CD80: variants seen among roughly 807,000 people sequenced by gnomAD.
CD80 encodes CD80 molecule, also known as T-lymphocyte activation antigen CD80.
A neutral mutation model predicts 27.1 loss-of-function variants in CD80; 13 were observed. The ratio of observed to expected loss-of-function variants is 0.48; its 90% confidence interval spans 0.31 to 0.76. The LOEUF is 0.76. Among genes scored for constraint, CD80 ranks in the 30% least tolerant of loss-of-function variants. The probability of loss-of-function intolerance (pLI) is 0.04; values close to 1 mark genes in which losing one functional copy is unlikely to be tolerated. For synonymous variants in CD80, 125 were observed against 125.5 expected (o/e 1.00, Z 0.03); for missense variants, 277 against 347.9 (o/e 0.80, Z 1.62).
chr3:119,556,989 TA>T (rs1347904418), intron 2 of CD80, among the ~76,000 whole-genome samples: 32 of 152,214 alleles, frequency 2.1e-4, no homozygotes, highest in African/African-American at 7.5e-4. Flanking sequence ...GACATATATG[TA>T]ATACCTATGT....
At chr3:119,538,627 C>T (rs2082151528) in intron 3 of CD80, among the ~76,000 whole-genome samples, 1 of 152,134 alleles carries the variant, frequency 6.6e-6, no homozygotes, top group Non-Finnish European at 1.5e-5. Context: ...CTGGCCTTAT[C>T]CTTTGAACAT....
intron 3 of CD80, among the ~76,000 whole-genome samples, chr3:119,543,551 G>A (rs1231864002): frequency 2.6e-5 from 4 of 151,648 alleles, no homozygotes; most frequent in African/African-American, 9.7e-5. Flanking sequence ...CCGCCTCCCA[G>A]GTTCAAGTGA....
intron 3 of CD80, 103 bp from the exon 4 acceptor site, chr3:119,537,521 G>T (rs1362228531): frequency 2.4e-6 from 2 of 822,944 alleles, no homozygotes; most frequent in African/African-American, 1.7e-5. Flanking sequence ...ATTGATAAAG[G>T]CCAGGTGCAG....
At chr3:119,546,236 GTCCTGACTAAGGT>G (rs2082202219) in intron 2 of CD80, among the ~76,000 whole-genome samples, 1 of 152,156 alleles carries the variant, frequency 6.6e-6, no homozygotes, top group African/African-American at 2.4e-5. Context: ...AGAGAAGTCA[GTCCTGACTAAGGT>G]TCTGGGTACA....
At chr3:119,543,651 G>T (rs1553783022) in intron 3 of CD80, among the ~76,000 whole-genome samples, 1 of 151,866 alleles carries the variant, frequency 6.6e-6, no homozygotes. Context: ...TGTTGGGCAG[G>T]CTGGTCTCAA....
In CD80 at chr3:119,525,142, A is replaced by C. The variant is rs1181439275; in HGVS notation, c.*646T>G. On this transcript the variant is annotated 3_prime_UTR_variant, in exon 7 of 7. Transcript: ENST00000264246. ...ATAGTTCTCCTTTCTGCTGTACCTC[A>C]TGGGGGAGTGAGAGAGCAGCAATAG... 1.3e-5 allele frequency: 2 copies of C among 152,166 alleles called. No homozygotes were observed. The highest frequency in any genetic ancestry group is 2.9e-5 in the Non-Finnish European group (2 of 68,032). 9.4% of individuals were successfully genotyped at this position (152,166 alleles called of 1,614,324 possible). A position where few individuals can be genotyped will look rare whatever the true frequency, so the allele number is the denominator to read the frequency against.
chr3:119,546,667 G>T (rs1045939442), intron 2 of CD80, among the ~76,000 whole-genome samples: 4 of 152,110 alleles, frequency 2.6e-5, no homozygotes, highest in African/African-American at 9.7e-5. Flanking sequence ...TGGATCTGTT[G>T]CCTGGTCACT....
intron 5 of CD80, among the ~76,000 whole-genome samples, chr3:119,529,396 C>G (rs1371636203): frequency 6.6e-6 from 1 of 152,142 alleles, no homozygotes; most frequent in African/African-American, 2.4e-5. Context: ...ATTAGAATAT[C>G]AGCAGGATGG....
chr3:119,540,385 A>G (rs1381671229), intron 3 of CD80, among the ~76,000 whole-genome samples: 1 of 152,238 alleles, frequency 6.6e-6, no homozygotes, highest in Admixed American at 6.5e-5. Flanking sequence ...GGAAGCCATG[A>G]CAAATGATGA....
chr3:119,526,838 C>T (rs1201622421), intron 6 of CD80, among the ~76,000 whole-genome samples: 1 of 152,140 alleles, frequency 6.6e-6, no homozygotes, highest in East Asian at 1.9e-4. Flanking sequence ...AATTCCTATA[C>T]TGGTGTTACT....
chr3:119,555,739 T>A (rs2670289), intron 2 of CD80, among the ~76,000 whole-genome samples: 1 of 152,158 alleles, frequency 6.6e-6, no homozygotes, highest in Non-Finnish European at 1.5e-5. Context: ...ACTTTTCCTC[T>A]TTCCAATGAT....
chr3:119,549,565 T>A (rs1560058019), intron 2 of CD80, among the ~76,000 whole-genome samples: 1 of 152,130 alleles, frequency 6.6e-6, no homozygotes, highest in Non-Finnish European at 1.5e-5. Context: ...TTCCAAGCCC[T>A]CTCTTTTCTT....
intron 2 of CD80, among the ~76,000 whole-genome samples, chr3:119,553,103 CTTTATTTA>C (rs61318964): frequency 0.27 from 36,446 of 133,736 alleles, 5,089 homozygotes; most frequent in Non-Finnish European, 0.3. Context: ...GAATTGTACA[CTTTATTTA>C]TTTATTTATT....
At chr3:119,557,457 G>A (rs1028601578) in intron 2 of CD80, among the ~76,000 whole-genome samples, 172 bp downstream of exon 2, 1 of 152,152 alleles carries the variant, frequency 6.6e-6, no homozygotes, top group Non-Finnish European at 1.5e-5. Context: ...ATGATAGGCA[G>A]GTCCTTTAAC....
chr3:119,542,052 G>A (rs964712045), intron 3 of CD80, among the ~76,000 whole-genome samples: 1 of 144,168 alleles, frequency 6.9e-6, no homozygotes, highest in Non-Finnish European at 1.5e-5. Flanking sequence ...TATATTTGTG[G>A]TGCCACCCCC....
At chr3:119,545,218 G>A (rs1371746110) in intron 2 of CD80, among the ~76,000 whole-genome samples, 1 of 151,976 alleles carries the variant, frequency 6.6e-6, no homozygotes, top group Non-Finnish European at 1.5e-5. Flanking sequence ...GGTGGCGGGT[G>A]TAGTAATCCC....
intron 3 of CD80, 146 bp from the exon 4 acceptor site, chr3:119,537,564 G>C (rs2082146138): frequency 3.3e-6 from 2 of 610,998 alleles, no homozygotes; most frequent in South Asian, 4.4e-5. Context: ...CACTTTGGGA[G>C]GCCGAGGCAG....
chr3:119,547,322 T>G (rs2082207054), intron 2 of CD80, among the ~76,000 whole-genome samples: 1 of 152,242 alleles, frequency 6.6e-6, no homozygotes, highest in South Asian at 2.1e-4. Flanking sequence ...ACACCAAATA[T>G]GAATCCCATT....
chr3:119,548,620 C>T (rs1443882361), intron 2 of CD80, among the ~76,000 whole-genome samples: 1 of 152,148 alleles, frequency 6.6e-6, no homozygotes, highest in African/African-American at 2.4e-5. Context: ...CTGGCCCAGG[C>T]TTTTAGGGCC....
Sources: gnomAD v4.1 joint callset for allele counts (sites outside exome capture counted in the v4.1 genomes callset) on GRCh38, gnomAD v4.1.1 for gene constraint, MANE v1.5 for transcripts, NCBI Gene and HGNC (gene_info 2026-07-23, HGNC 2026-07-21) for gene names.